Variants in SDHAF3 observed in about 807,000 individuals in gnomAD.
SDHAF3 encodes succinate dehydrogenase complex assembly factor 3.
In SDHAF3, 18 loss-of-function variants were observed where a neutral mutation model predicts 11.5. The observed-to-expected ratio is 1.56, with a 90% CI of 1.08 to 2.32. The LOEUF (loss-of-function observed/expected upper bound fraction) is 2.32, where lower values mean the gene tolerates loss of function less well. Among genes scored for constraint, SDHAF3 ranks in the 30% most tolerant of loss-of-function variants. The probability of loss-of-function intolerance (pLI) is 0.00; values close to 1 mark genes in which losing one functional copy is unlikely to be tolerated. For synonymous variants in SDHAF3, 72 were observed against 59.3 expected (o/e 1.21, Z -0.99); for missense variants, 200 against 154.4 (o/e 1.30, Z -1.57).
At chr7:97,138,065 G>A (rs562767574) in intron 1 of SDHAF3, among the ~76,000 whole-genome samples, 13 of 151,388 alleles carry the variant, frequency 8.6e-5, no homozygotes, top group East Asian at 2.0e-4. Context: ...AGGTTTCACC[G>A]CGTTGGCTAG....
At chr7:97,132,073 AG>A (rs1256827943) in intron 1 of SDHAF3, among the ~76,000 whole-genome samples, 1 of 152,206 alleles carries the variant, frequency 6.6e-6, no homozygotes, top group Non-Finnish European at 1.5e-5. Flanking sequence ...TGTAAAAATC[AG>A]GTGTTACTTT....
At position 97,181,543 on chromosome 7, in the gene SDHAF3, GATA is replaced by G. The variant is rs1789775022; in HGVS notation, c.*331_*333del. 1 of 185,192 alleles carries G rather than the reference GATA, an allele frequency of 5.4e-6. No homozygotes were observed. Among genetic ancestry groups the G allele is most frequent in the Admixed American group, 5.5e-5 (1 of 18,066 alleles). 11.5% of individuals were successfully genotyped at this position (185,192 alleles called of 1,614,324 possible). On this transcript the variant is annotated 3_prime_UTR_variant, in exon 2 of 2. Transcript: ENST00000432641. ...TAGCTTCATCAAATAAGCATGTTGT[GATA>G]ATGATAGATGTACAATTCCAACAAG...
chr7:97,117,990 G>A, intron 1 of SDHAF3, 93 bp downstream of exon 1: 3 of 1,422,368 alleles, frequency 2.1e-6, no homozygotes, highest in Non-Finnish European at 1.9e-6. Context: ...GTTAAACAGA[G>A]CAGCAACCTG....
At chr7:97,123,606 C>T (rs1164964756) in intron 1 of SDHAF3, among the ~76,000 whole-genome samples, 2 of 152,092 alleles carry the variant, frequency 1.3e-5, no homozygotes, top group Non-Finnish European at 2.9e-5. Flanking sequence ...ATTTACACTC[C>T]CACCAACAGT....
At chr7:97,150,461 A>G (rs928086067) in intron 1 of SDHAF3, among the ~76,000 whole-genome samples, 1 of 152,150 alleles carries the variant, frequency 6.6e-6, no homozygotes, top group South Asian at 2.1e-4. Flanking sequence ...ATTAGTAGGC[A>G]TGAAAACATT....
intron 1 of SDHAF3, among the ~76,000 whole-genome samples, chr7:97,157,024 A>G (rs1334929019): frequency 6.6e-6 from 1 of 151,332 alleles, no homozygotes; most frequent in South Asian, 2.1e-4. Context: ...CTCATTGTTC[A>G]CCTCCCACTT....
At chr7:97,179,021 G>C (rs1385371260) in intron 1 of SDHAF3, among the ~76,000 whole-genome samples, 1 of 152,130 alleles carries the variant, frequency 6.6e-6, no homozygotes, top group Non-Finnish European at 1.5e-5. Context: ...GTATATGGTA[G>C]AAGATGGGGT....
intron 1 of SDHAF3, among the ~76,000 whole-genome samples, chr7:97,123,897 G>A (rs1791536239): frequency 6.7e-6 from 1 of 150,014 alleles, no homozygotes; most frequent in Non-Finnish European, 1.5e-5. Context: ...CTGGATAGTA[G>A]CCCTTTGTCA....
intron 1 of SDHAF3, among the ~76,000 whole-genome samples, chr7:97,179,497 A>G (rs908700746): frequency 6.9e-6 from 1 of 145,258 alleles, no homozygotes; most frequent in Non-Finnish European, 1.5e-5. Flanking sequence ...TTTTTGCTTT[A>G]ACAATCAACA....
At chr7:97,140,368 T>TGGA (rs1425566822) in intron 1 of SDHAF3, among the ~76,000 whole-genome samples, 2 of 120,552 alleles carry the variant, frequency 1.7e-5, no homozygotes, top group East Asian at 4.8e-4. Context: ...TTTTTTGAGA[T>TGGA]GGAGTCTCGC....
chr7:97,119,634 C>T (rs755376759), intron 1 of SDHAF3, among the ~76,000 whole-genome samples: 7 of 152,130 alleles, frequency 4.6e-5, no homozygotes, highest in Non-Finnish European at 8.8e-5. Context: ...TTACAATTTG[C>T]CAGCCCTTTC....
intron 1 of SDHAF3, among the ~76,000 whole-genome samples, chr7:97,179,191 T>C (rs1789732942): frequency 6.6e-6 from 1 of 152,216 alleles, no homozygotes; most frequent in Non-Finnish European, 1.5e-5. Context: ...CTATTGGTGT[T>C]ATATATCTAT....
chr7:97,178,650 T>G (rs1193308098), intron 1 of SDHAF3, among the ~76,000 whole-genome samples: 1 of 152,212 alleles, frequency 6.6e-6, no homozygotes, highest in Non-Finnish European at 1.5e-5. Context: ...CTTGGCCATC[T>G]GTATATCTTT....
At position 97,148,232 on chromosome 7, in the gene SDHAF3, C is replaced by T. The variant is rs527940105; in HGVS notation, c.174+30335C>T. ...AATAACACGATAACATCAGATGTTT[C>T]ACCTTTAAGAATGAATTTCCAGCCG... is the stretch of plus-strand genomic sequence containing the variant. On this transcript the variant is annotated intron_variant, in intron 1 of 1. Transcript: ENST00000432641. 3.9e-5 allele frequency among the ~76,000 whole-genome samples: 6 copies of T among 152,258 alleles called. No individual in the cohort carries two copies. The South Asian group carries it at 8.3e-4, about 21-fold the overall frequency.
At chr7:97,149,523 C>G (rs529424942) in intron 1 of SDHAF3, among the ~76,000 whole-genome samples, 1 of 152,070 alleles carries the variant, frequency 6.6e-6, no homozygotes, top group Non-Finnish European at 1.5e-5. Flanking sequence ...GCAAATATTG[C>G]AATAAAATGA....
intron 1 of SDHAF3, among the ~76,000 whole-genome samples, chr7:97,179,790 T>A (rs1440582616): frequency 6.8e-6 from 1 of 146,932 alleles, no homozygotes; most frequent in Non-Finnish European, 1.5e-5. Flanking sequence ...AGAAGTGGAA[T>A]TGATAAAACT....
chr7:97,143,665 CTGTGTGTGTGTGTGTGTGTGTG>C (rs3029495), intron 1 of SDHAF3, among the ~76,000 whole-genome samples: 1 of 147,950 alleles, frequency 6.8e-6, no homozygotes, highest in Non-Finnish European at 1.5e-5. Flanking sequence ...TAGTGTTCCA[CTGTGTGTGTGTGTGTGTGTGTG>C]TGTGTGTGTG....
chr7:97,155,329 A>G (rs192345551), intron 1 of SDHAF3, among the ~76,000 whole-genome samples: 12 of 152,274 alleles, frequency 7.9e-5, no homozygotes, highest in African/African-American at 2.9e-4. Flanking sequence ...CTCAGTAGTC[A>G]TCTTGGTTTG....
chr7:97,136,490 T>C, intron 1 of SDHAF3: 1 of 614,648 alleles, frequency 1.6e-6, no homozygotes, highest in African/African-American at 1.8e-5. Context: ...TGCCAGATTA[T>C]TTTAGTTCCA....
Sources: gnomAD v4.1 joint callset for allele counts (sites outside exome capture counted in the v4.1 genomes callset) on GRCh38, gnomAD v4.1.1 for gene constraint, MANE v1.5 for transcripts, NCBI Gene and HGNC (gene_info 2026-07-23, HGNC 2026-07-21) for gene names.